Variants in DOCK3 observed in about 807,000 individuals in gnomAD.
DOCK3 encodes the protein dedicator of cytokinesis protein 3.
DOCK3 carries 60 observed loss-of-function variants against 265.6 expected under a neutral mutation model. The observed-to-expected ratio is 0.23, with a 90% CI of 0.18 to 0.28. The LOEUF (loss-of-function observed/expected upper bound fraction) is 0.28, where lower values mean the gene tolerates loss of function less well. Among genes scored for constraint, DOCK3 ranks in the 10% least tolerant of loss-of-function variants. The pLI is 1.00. For synonymous variants in DOCK3, 881 were observed against 938.0 expected (o/e 0.94, Z 1.11); for missense variants, 1,981 against 2,594.3 (o/e 0.76, Z 5.14).
At chr3:51,005,037 A>G (rs1345841516) in intron 5 of DOCK3, among the ~76,000 whole-genome samples, 1 of 151,776 alleles carries the variant, frequency 6.6e-6, no homozygotes, top group Non-Finnish European at 1.5e-5. Flanking sequence ...AGCATGAAAC[A>G]TTCTTCATTT....
intron 1 of DOCK3, among the ~76,000 whole-genome samples, chr3:50,737,883 T>G (rs2108197351): frequency 6.6e-6 from 1 of 152,384 alleles, no homozygotes; most frequent in South Asian, 2.1e-4. Flanking sequence ...GAATTGTTAA[T>G]GCAGTTTCTA....
intron 1 of DOCK3, among the ~76,000 whole-genome samples, chr3:50,763,312 G>C (rs554722634): frequency 1.3e-5 from 2 of 151,838 alleles, no homozygotes; most frequent in East Asian, 3.9e-4. Flanking sequence ...ATGGAGTCTC[G>C]CTCTGTTGCC....
intron 1 of DOCK3, among the ~76,000 whole-genome samples, chr3:50,701,494 T>C (rs895919830): frequency 6.6e-6 from 1 of 151,926 alleles, no homozygotes. Context: ...TAGTCACTTA[T>C]CAGATAAATA....
rs531769138 is a variant in DOCK3, at chr3:50,814,209, A to G, written c.122-27466A>G. Among the ~76,000 whole-genome samples, 224 of 152,284 alleles carry G rather than the reference A, an allele frequency of 1.5e-3. 1 individual carries two copies. Among genetic ancestry groups the G allele is most frequent in the Non-Finnish European group, 2.7e-3 (184 of 68,010 alleles). On this transcript the variant is annotated intron_variant, in intron 2 of 52. Transcript: ENST00000266037. Reference sequence around the variant, plus strand: ...ATCCTTGTTCATTCAGCTTCCCTTAAATGTTATATTTTTCCATAACCATGA... The same window carrying G: ...ATCCTTGTTCATTCAGCTTCCCTTAGATGTTATATTTTTCCATAACCATGA...
At chr3:50,729,442 G>T (rs1409676784) in intron 1 of DOCK3, among the ~76,000 whole-genome samples, 3 of 150,596 alleles carry the variant, frequency 2.0e-5, no homozygotes, top group Non-Finnish European at 4.4e-5. Context: ...ACAATGTGCA[G>T]GTTAGTTACA....
At chr3:50,972,480 A>G (rs915512812) in intron 5 of DOCK3, among the ~76,000 whole-genome samples, 3 of 152,164 alleles carry the variant, frequency 2.0e-5, no homozygotes, top group Non-Finnish European at 2.9e-5. Context: ...AGTCACTTCT[A>G]CCCCACAGAT....
chr3:51,323,962 G>T (rs1180628400), intron 32 of DOCK3, among the ~76,000 whole-genome samples: 1 of 152,116 alleles, frequency 6.6e-6, no homozygotes. Context: ...CCCACAGCCA[G>T]TATCATAACT....
At chr3:50,906,610 T>G (rs2049516691) in intron 4 of DOCK3, among the ~76,000 whole-genome samples, 1 of 152,100 alleles carries the variant, frequency 6.6e-6, no homozygotes, top group Non-Finnish European at 1.5e-5. Flanking sequence ...GGTGGTGATA[T>G]CCCCCTTATC....
chr3:50,725,344 A>G (rs990711087), intron 1 of DOCK3, among the ~76,000 whole-genome samples: 2 of 152,216 alleles, frequency 1.3e-5, no homozygotes, highest in Non-Finnish European at 1.5e-5. Flanking sequence ...TATAATCACT[A>G]AAGTACTAAA....
At chr3:51,150,498 A>G (rs1222120730) in intron 10 of DOCK3, among the ~76,000 whole-genome samples, 1 of 152,152 alleles carries the variant, frequency 6.6e-6, no homozygotes, top group East Asian at 1.9e-4. Flanking sequence ...CCCTCTACAC[A>G]CTGCTTTGAA....
chr3:51,026,070 T>C (rs777225568), intron 5 of DOCK3, among the ~76,000 whole-genome samples: 1 of 152,074 alleles, frequency 6.6e-6, no homozygotes, highest in Non-Finnish European at 1.5e-5. Context: ...AAATTCACAG[T>C]GTGAATCTCT....
chr3:51,230,397 C>G (rs536492457), intron 19 of DOCK3, among the ~76,000 whole-genome samples: 62 of 152,272 alleles, frequency 4.1e-4, no homozygotes, highest in Non-Finnish European at 7.5e-4. Flanking sequence ...TTGCTAGTTT[C>G]TGTAGAATAA....
chr3:50,822,496 G>T (rs535426603), intron 2 of DOCK3, among the ~76,000 whole-genome samples: 1 of 151,828 alleles, frequency 6.6e-6, no homozygotes, highest in Non-Finnish European at 1.5e-5. Context: ...TTTCTAGCTC[G>T]GATACTTTTT....
intron 9 of DOCK3, among the ~76,000 whole-genome samples, chr3:51,142,819 T>C (rs994367149): frequency 4.6e-5 from 7 of 152,174 alleles, no homozygotes; most frequent in South Asian, 2.1e-4. Context: ...CATTTTGCAT[T>C]CTTACCAACA....
intron 27 of DOCK3, among the ~76,000 whole-genome samples, chr3:51,297,087 C>T (rs1432920386): frequency 2.4e-5 from 3 of 126,876 alleles, no homozygotes; most frequent in Non-Finnish European, 4.7e-5. Context: ...CACTGCACTC[C>T]AGCCTGGGGG....
chr3:50,777,576 CTG>C (rs2041676581), intron 1 of DOCK3, among the ~76,000 whole-genome samples: 1 of 152,088 alleles, frequency 6.6e-6, no homozygotes, highest in Non-Finnish European at 1.5e-5. Context: ...TTTGTGTCAT[CTG>C]TGACTTTTTT....
At chr3:51,136,933 G>T (rs899601211) in intron 9 of DOCK3, among the ~76,000 whole-genome samples, 1 of 151,886 alleles carries the variant, frequency 6.6e-6, no homozygotes, top group Middle Eastern at 3.4e-3. Context: ...ACAGAGTAAG[G>T]TTCTGTTGAA....
At chr3:50,912,732 C>CTG (rs1464448020) in intron 4 of DOCK3, among the ~76,000 whole-genome samples, 13,366 of 151,828 alleles carry the variant, frequency 0.088, 1,224 homozygotes, top group East Asian at 0.33. Context: ...CTGCCACAGG[C>CTG]CCACAGGCCC....
chr3:50,679,404 T>C (rs950505545), intron 1 of DOCK3, among the ~76,000 whole-genome samples: 1 of 152,216 alleles, frequency 6.6e-6, no homozygotes, highest in East Asian at 1.9e-4. Context: ...GTTATATTTA[T>C]TTTTTCCTAT....
Sources: allele counts gnomAD v4.1 joint callset (sites outside exome capture counted in the v4.1 genomes callset), GRCh38; gene constraint gnomAD v4.1.1; transcripts MANE v1.5; gene names NCBI Gene and HGNC (gene_info 2026-07-23, HGNC 2026-07-21).